INTU: variants seen among roughly 807,000 people sequenced by gnomAD.
INTU encodes inturned planar cell polarity protein, also known as protein inturned.
Under a neutral mutation model 100.5 loss-of-function variants are expected in INTU, and 68 were observed. The observed-to-expected ratio is 0.68, with a 90% CI of 0.56 to 0.83. INTU has a LOEUF of 0.83. Among genes scored for constraint, INTU ranks in the 40% least tolerant of loss-of-function variants. INTU has a pLI of 0.00. For missense variants in INTU, 1,071 were observed against 1,114.7 expected (o/e 0.96, Z 0.56); for synonymous variants, 357 against 395.7 (o/e 0.90, Z 1.16).
chr4:127,691,781 A>G (rs1288830520), intron 8 of INTU, among the ~76,000 whole-genome samples: 2 of 151,538 alleles, frequency 1.3e-5, no homozygotes, highest in Non-Finnish European at 2.9e-5. Flanking sequence ...AGTCCAATGT[A>G]TCATTCTTAT....
chr4:127,661,774 C>T (rs1728487839), intron 3 of INTU, among the ~76,000 whole-genome samples: 1 of 152,114 alleles, frequency 6.6e-6, no homozygotes, highest in African/African-American at 2.4e-5. Context: ...AATCCTCATT[C>T]TCAGATAAAG....
At chr4:127,651,555 T>A (rs1164834583) in intron 2 of INTU, among the ~76,000 whole-genome samples, 2 of 152,218 alleles carry the variant, frequency 1.3e-5, no homozygotes, top group African/African-American at 4.8e-5. Flanking sequence ...TTCTGAGGGC[T>A]CTGTTCTGTT....
chr4:127,672,085 A>G (rs1185742770), intron 5 of INTU, among the ~76,000 whole-genome samples: 1 of 152,146 alleles, frequency 6.6e-6, no homozygotes, highest in Non-Finnish European at 1.5e-5. Context: ...AAAAGCCCAG[A>G]CTTCACCACC....
intron 8 of INTU, among the ~76,000 whole-genome samples, chr4:127,691,744 C>T (rs1356439076): frequency 6.6e-6 from 1 of 151,424 alleles, no homozygotes; most frequent in Non-Finnish European, 1.5e-5. Context: ...CTCTTGCCAC[C>T]CCCTGCTCTT....
At chr4:127,682,991 G>A (rs1729652594) in intron 6 of INTU, among the ~76,000 whole-genome samples, 1 of 152,124 alleles carries the variant, frequency 6.6e-6, no homozygotes, top group African/African-American at 2.4e-5. Context: ...AGCAAAGGCT[G>A]TTCAACCACA....
chr4:127,675,116 C>T (rs1729116148), intron 6 of INTU, among the ~76,000 whole-genome samples: 2 of 152,192 alleles, frequency 1.3e-5, no homozygotes, highest in Non-Finnish European at 2.9e-5. Flanking sequence ...GTTTTTAAAA[C>T]TTGTAATTTA....
intron 1 of INTU, among the ~76,000 whole-genome samples, chr4:127,639,709 A>C (rs1727225685): frequency 6.6e-6 from 1 of 152,182 alleles, no homozygotes; most frequent in Admixed American, 6.5e-5. Flanking sequence ...TTGTATAGTG[A>C]TTAAATCAGG....
In INTU at chr4:127,706,603, G is replaced by A; in HGVS notation, c.1905G>A (p.Leu635=). The A allele has an allele frequency of 1.2e-6, 2 of 1,614,052 alleles. No homozygotes were observed. The highest frequency in any genetic ancestry group is 1.7e-6 in the Non-Finnish European group (2 of 1,179,972). The change falls in exon 12 of 16, where the codon CTG becomes CTA. Residue 635 remains leucine (L), a synonymous_variant. Coordinates refer to ENST00000335251, the MANE Select transcript of INTU (RefSeq NM_015693.4). ...AAGTCAAAACAACTCTTCACCAGCT[G>A]GATGGAGTAGATTCTCGCATAGATG... ...VDQVKTTLHQ[L]DGVDSRIDER...
At chr4:127,710,014 C>T (rs1280613278) in intron 13 of INTU, among the ~76,000 whole-genome samples, 1 of 152,104 alleles carries the variant, frequency 6.6e-6, no homozygotes, top group Non-Finnish European at 1.5e-5. Context: ...AAAGTACCTT[C>T]ACAAAACTCT....
chr4:127,707,003 G>A (rs762089636), intron 12 of INTU, 34 bp downstream of exon 12: 18 of 1,572,712 alleles, frequency 1.1e-5, no homozygotes, highest in Non-Finnish European at 1.6e-5. Context: ...TGTTCTGGGA[G>A]CTAAGTTGTC....
chr4:127,677,853 A>C (rs1729303674), intron 6 of INTU, among the ~76,000 whole-genome samples: 1 of 152,180 alleles, frequency 6.6e-6, no homozygotes, highest in African/African-American at 2.4e-5. Context: ...AAAACTTTGA[A>C]AAAAATTTAG....
intron 1 of INTU, among the ~76,000 whole-genome samples, chr4:127,638,434 T>G (rs1727168296): frequency 1.3e-5 from 2 of 152,178 alleles, no homozygotes. Context: ...AACTCCTTTC[T>G]TGTGGTAGTT....
At chr4:127,644,512 A>G (rs1344400395) in intron 2 of INTU, among the ~76,000 whole-genome samples, 2 of 152,302 alleles carry the variant, frequency 1.3e-5, no homozygotes, top group Non-Finnish European at 2.9e-5. Context: ...CAACTGTTTC[A>G]TTTGGCATAT....
At position 127,711,096 on chromosome 4, in the gene INTU, G is replaced by A. The variant is rs1463700394; in HGVS notation, c.2553G>A (p.Val851=). Reference sequence around the variant, plus strand: ...GTGCAGTTTTCCAACAGACATTGGTGGAAGAGGTAGGGCACTGCTATAAAT... The same window carrying A: ...GTGCAGTTTTCCAACAGACATTGGTAGAAGAGGTAGGGCACTGCTATAAAT... The part of the protein sequence containing the change: ...SIRAVFQQTL[V]EEKKKGLNSG... The change falls in exon 14 of 16, where the codon GTG becomes GTA. Residue 851 remains valine (V), a synonymous_variant. Transcript: ENST00000335251. 1 of 1,584,904 alleles carries A rather than the reference G, an allele frequency of 6.3e-7. No individual in the cohort carries two copies. Among genetic ancestry groups the A allele is most frequent in the Non-Finnish European group, 8.6e-7 (1 of 1,158,610 alleles).
At chr4:127,674,291 T>C in intron 6 of INTU, 78 bp downstream of exon 6, 1 of 1,145,546 alleles carries the variant, frequency 8.7e-7, no homozygotes, top group Non-Finnish European at 1.3e-6. Context: ...ATTACATTTT[T>C]GTCAAAAGAC....
intron 7 of INTU, chr4:127,685,972 G>A (rs1442018647): frequency 6.6e-6 from 1 of 152,174 alleles, no homozygotes; most frequent in African/African-American, 2.4e-5. Context: ...GATAATAAAT[G>A]TGAAGATCCA....
At chr4:127,666,085 T>G (rs920397759) in intron 4 of INTU, among the ~76,000 whole-genome samples, 1 of 152,232 alleles carries the variant, frequency 6.6e-6, no homozygotes, top group Non-Finnish European at 1.5e-5. Context: ...TTTAGTATTC[T>G]GTGCCCAAAC....
chr4:127,685,366 A>G, intron 7 of INTU: 3 of 441,590 alleles, frequency 6.8e-6, no homozygotes, highest in South Asian at 3.3e-5. Flanking sequence ...AAGGCAGTTT[A>G]TACATTTTTC....
intron 14 of INTU, among the ~76,000 whole-genome samples, chr4:127,711,824 A>G (rs138274839): frequency 6.6e-6 from 1 of 152,326 alleles, no homozygotes; most frequent in African/African-American, 2.4e-5. Context: ...GGGTTAAGGT[A>G]CAGCTATAGA....
Sources: allele counts gnomAD v4.1 joint callset (sites outside exome capture counted in the v4.1 genomes callset), GRCh38; gene constraint gnomAD v4.1.1; transcripts MANE v1.5; gene names NCBI Gene and HGNC (gene_info 2026-07-23, HGNC 2026-07-21).